The following ARL15 variants were observed in gnomAD, a reference collection of about 807,000 sequenced individuals.
ARL15 encodes ARF like GTPase 15.
In ARL15, 19 loss-of-function variants were observed where a neutral mutation model predicts 25.2. That is an observed-to-expected ratio of 0.75 (90% CI 0.53 to 1.10). ARL15 has a LOEUF of 1.10. Ranked by LOEUF, ARL15 falls within the 50% of genes least tolerant of loss-of-function variation. The probability of loss-of-function intolerance (pLI) is 0.00; values close to 1 mark genes in which losing one functional copy is unlikely to be tolerated. For synonymous variants in ARL15, 94 were observed against 86.8 expected (o/e 1.08, Z -0.46); for missense variants, 220 against 246.0 (o/e 0.89, Z 0.71).
chr5:54,102,017 T>C (rs1752451834), intron 4 of ARL15, among the ~76,000 whole-genome samples: 1 of 31,958 alleles, frequency 3.1e-5, no homozygotes, highest in Non-Finnish European at 4.8e-5. Flanking sequence ...ATTTTTTGTT[T>C]TGTTTTTTTT....
At chr5:54,145,025 G>GTT (rs2112322104) in intron 3 of ARL15, among the ~76,000 whole-genome samples, 1 of 151,826 alleles carries the variant, frequency 6.6e-6, no homozygotes, top group African/African-American at 2.4e-5. Context: ...TCTTTTCTTT[G>GTT]TTGAGGATTT....
chr5:53,963,006 T>G (rs942618161), intron 4 of ARL15, among the ~76,000 whole-genome samples: 1 of 152,202 alleles, frequency 6.6e-6, no homozygotes, highest in Non-Finnish European at 1.5e-5. Context: ...GGCACCTCGA[T>G]AGTACCACAT....
chr5:54,032,310 T>C (rs1351969921), intron 4 of ARL15, among the ~76,000 whole-genome samples: 10 of 152,060 alleles, frequency 6.6e-5, no homozygotes, highest in Non-Finnish European at 1.2e-4. Flanking sequence ...CTAGGCTCAT[T>C]GCAACCTCCG....
rs150358487 is a variant in ARL15 at position 54,116,182 on chromosome 5, C to A, written c.254-2772G>T. Among the ~76,000 whole-genome samples the A allele has an allele frequency of 3.7e-3, 559 of 152,310 alleles. 5 individuals are homozygous for A. The highest frequency in any genetic ancestry group is 0.012 in the African/African-American group (518 of 41,566). On this transcript the variant is annotated intron_variant, in intron 3 of 4. Coordinates refer to ENST00000504924, the MANE Select transcript of ARL15 (RefSeq NM_019087.3). ...GAGCAGGAGGGGGTTGGGGCATGAT[C>A]TCATAATCTCCCAAACATATTTGGT...
intron 3 of ARL15, among the ~76,000 whole-genome samples, chr5:54,121,341 A>G (rs1021988876): frequency 6.6e-6 from 1 of 151,824 alleles, no homozygotes; most frequent in African/African-American, 2.4e-5. Flanking sequence ...CCATTTCTCC[A>G]CCTGGCCCAT....
At chr5:54,273,698 C>A (rs565291236) in intron 1 of ARL15, among the ~76,000 whole-genome samples, 1 of 152,098 alleles carries the variant, frequency 6.6e-6, no homozygotes, top group Non-Finnish European at 1.5e-5. Flanking sequence ...ATTACAGTAC[C>A]TTCTTCAAAA....
chr5:54,179,972 C>A (rs180873254), intron 1 of ARL15, among the ~76,000 whole-genome samples: 7 of 145,038 alleles, frequency 4.8e-5, no homozygotes, highest in African/African-American at 1.5e-4. Flanking sequence ...GAGCTGAGAT[C>A]GCGCCACTGC....
intron 4 of ARL15, among the ~76,000 whole-genome samples, chr5:53,972,510 TCTC>T (rs1747785714): frequency 6.6e-6 from 1 of 152,206 alleles, no homozygotes; most frequent in Non-Finnish European, 1.5e-5. Flanking sequence ...AGTACAGATA[TCTC>T]CTATGCTTGC....
At chr5:53,887,755 T>C (rs1744582687) in intron 4 of ARL15, among the ~76,000 whole-genome samples, 2 of 152,208 alleles carry the variant, frequency 1.3e-5, no homozygotes, top group African/African-American at 4.8e-5. Flanking sequence ...TTAAATCTCA[T>C]GTGTCATGAA....
In ARL15 at chr5:53,931,226, A is replaced by G. The variant is rs541524993; in HGVS notation, c.463-44513T>C. ...AAATCTCAATTTCATCTTTCCTCCA[A>G]CCAGGGTCGCTGCTCCTAGCCCAAC... is the stretch of plus-strand genomic sequence containing the variant. On this transcript the variant is annotated intron_variant, in intron 4 of 4. Coordinates refer to ENST00000504924, the MANE Select transcript of ARL15 (RefSeq NM_019087.3). 5.3e-5 allele frequency among the ~76,000 whole-genome samples: 8 copies of G among 152,310 alleles called. No homozygotes were observed. The East Asian group carries it at 1.5e-3, about 29-fold the overall frequency.
intron 4 of ARL15, among the ~76,000 whole-genome samples, chr5:53,992,349 A>G (rs1748530818): frequency 6.6e-6 from 1 of 152,202 alleles, no homozygotes; most frequent in Admixed American, 6.5e-5. Context: ...GAATGACTGA[A>G]CAATGTCATA....
intron 4 of ARL15, among the ~76,000 whole-genome samples, chr5:54,081,807 A>T (rs1301356769): frequency 6.6e-6 from 1 of 152,020 alleles, no homozygotes; most frequent in Non-Finnish European, 1.5e-5. Context: ...CAGTATGAAA[A>T]CAGGCTAGGT....
intron 4 of ARL15, among the ~76,000 whole-genome samples, chr5:53,926,001 T>C (rs79057755): frequency 3.2e-4 from 12 of 37,470 alleles, no homozygotes; most frequent in African/African-American, 3.1e-3. Flanking sequence ...TTCTTTCTTT[T>C]TTTTTTTTTT....
chr5:53,960,927 C>T (rs577032903), intron 4 of ARL15, among the ~76,000 whole-genome samples: 2 of 152,308 alleles, frequency 1.3e-5, no homozygotes, highest in East Asian at 3.9e-4. Context: ...AAGCACCTAT[C>T]ACTGCAGGAA....
At chr5:54,034,858 C>T (rs1158004620) in intron 4 of ARL15, among the ~76,000 whole-genome samples, 1 of 150,688 alleles carries the variant, frequency 6.6e-6, no homozygotes, top group African/African-American at 2.4e-5. Context: ...AGACGGGGGG[C>T]GGTCTCTCAT....
chr5:54,194,644 T>C (rs1015139522), intron 1 of ARL15, among the ~76,000 whole-genome samples: 1 of 152,034 alleles, frequency 6.6e-6, no homozygotes, highest in Non-Finnish European at 1.5e-5. Context: ...ATCTTAGACC[T>C]GGCAAAAAAA....
intron 3 of ARL15, among the ~76,000 whole-genome samples, chr5:54,127,335 C>G (rs1424706459): frequency 6.6e-6 from 1 of 152,048 alleles, no homozygotes; most frequent in Non-Finnish European, 1.5e-5. Context: ...GGATACAAAA[C>G]CAATACGCAA....
At chr5:54,290,466 T>C (rs1179424366) in intron 1 of ARL15, among the ~76,000 whole-genome samples, 1 of 151,866 alleles carries the variant, frequency 6.6e-6, no homozygotes, top group Non-Finnish European at 1.5e-5. Context: ...TGCCACCACG[T>C]CCAGCTAATT....
At chr5:54,213,094 G>A (rs1190514188) in intron 1 of ARL15, among the ~76,000 whole-genome samples, 3 of 152,152 alleles carry the variant, frequency 2.0e-5, no homozygotes, top group Non-Finnish European at 4.4e-5. Flanking sequence ...TCACAAATGT[G>A]GAGGATTCCC....
Sources: allele counts gnomAD v4.1 joint callset (sites outside exome capture counted in the v4.1 genomes callset), GRCh38; gene constraint gnomAD v4.1.1; transcripts MANE v1.5; gene names NCBI Gene and HGNC (gene_info 2026-07-23, HGNC 2026-07-21).